Variants in TXLNB observed in about 807,000 individuals in gnomAD.
TXLNB encodes taxilin beta, also known as beta-taxilin.
In TXLNB, 37 loss-of-function variants were observed where a neutral mutation model predicts 57.4. That is an observed-to-expected ratio of 0.64 (90% CI 0.50 to 0.85). The LOEUF is 0.85. TXLNB is among the 40% of genes least tolerant of loss of function. The probability of loss-of-function intolerance (pLI) is 0.00; values close to 1 mark genes in which losing one functional copy is unlikely to be tolerated. For synonymous variants in TXLNB, 302 were observed against 309.6 expected, an observed-to-expected ratio of 0.98 and a Z score of 0.26; for missense variants, 848 against 825.6, an observed-to-expected ratio of 1.03 and a Z score of -0.33.
rs1039613417 is a variant in TXLNB, at chr6:139,240,712, CTTTTTTCCTGATT to C, written c.*1801_*1813del. ...ATACAGATTCTCAAATAGCGACAAG[CTTTTTTCCTGATT>C]TTTTTTCCTGCCTAGCAACTTTGTT... On this transcript the variant is annotated 3_prime_UTR_variant, in exon 10 of 10. Transcript: ENST00000358430. 1 of 152,604 alleles carries C rather than the reference CTTTTTTCCTGATT, an allele frequency of 6.6e-6. No homozygotes were observed. The highest frequency in any genetic ancestry group is 1.5e-5 in the Non-Finnish European group (1 of 68,046). 9.5% of individuals were successfully genotyped at this position (152,604 alleles called of 1,614,324 possible).
the TXLNB span, chr6:139,174,583 T>C: frequency 6.3e-7 from 1 of 1,596,588 alleles, no homozygotes; most frequent in South Asian, 1.1e-5. Flanking sequence ...GATATTAGGC[T>C]TCTGTCCCCA....
At chr6:139,313,598 A>C in the TXLNB span, among the ~76,000 whole-genome samples, 3 of 152,176 alleles carry the variant, frequency 2.0e-5, no homozygotes, top group African/African-American at 7.2e-5. Flanking sequence ...TGTGAGAAAG[A>C]GCTCTGTGTG....
chr6:139,202,046 A>C, the TXLNB span, among the ~76,000 whole-genome samples: 1 of 152,156 alleles, frequency 6.6e-6, no homozygotes, highest in Admixed American at 6.5e-5. Flanking sequence ...ATTTCTTTTG[A>C]TTGAAATGAT....
In TXLNB at chr6:139,241,928, A is replaced by G. The variant is rs1775943319; in HGVS notation, c.*598T>C. ...TAGCATCTAAATATTCTGCATTGAG[A>G]AAAATGCATTAAGGGGTGAGAGAAA... On this transcript the variant is annotated 3_prime_UTR_variant, in exon 10 of 10. Transcript: ENST00000358430. 1 of 152,214 alleles carries G rather than the reference A, an allele frequency of 6.6e-6. No individual in the cohort carries two copies. Among genetic ancestry groups the G allele is most frequent in the African/African-American group, 2.4e-5 (1 of 41,456 alleles). 9.4% of individuals were successfully genotyped at this position (152,214 alleles called of 1,614,324 possible).
chr6:139,317,953 A>C, the TXLNB span, among the ~76,000 whole-genome samples: 1 of 152,102 alleles, frequency 6.6e-6, no homozygotes, highest in Non-Finnish European at 1.5e-5. Flanking sequence ...CAGATGATCT[A>C]AACAGCATAT....
chr6:139,308,625 T>C, the TXLNB span, among the ~76,000 whole-genome samples: 3 of 152,214 alleles, frequency 2.0e-5, no homozygotes, highest in African/African-American at 7.2e-5. Flanking sequence ...CCAATTTTGT[T>C]CATACTTACA....
intron 1 of TXLNB, 36 bp from the exon 2 acceptor site, chr6:139,288,949 C>T (rs370556059): frequency 6.8e-7 from 1 of 1,463,188 alleles, no homozygotes; most frequent in Non-Finnish European, 9.4e-7. Context: ...ATGTAGCTAA[C>T]CTACTTGCTA....
chr6:139,318,031 A>T, the TXLNB span, among the ~76,000 whole-genome samples: 1 of 151,980 alleles, frequency 6.6e-6, no homozygotes, highest in Non-Finnish European at 1.5e-5. Flanking sequence ...ACACTTTGGG[A>T]GGCCGAGGCA....
In TXLNB at chr6:139,276,937, C is replaced by A; in HGVS notation, c.425-16G>T. On this transcript the variant is annotated splice_polypyrimidine_tract_variant and intron_variant, in intron 2 of 9. Coordinates refer to ENST00000358430, the MANE Select transcript of TXLNB (RefSeq NM_153235.4). ...GCTTCTTTGCCTTAAAAAAAAAAGA[C>A]ATGAAAAAAATAAGTGTTGAATTTA... 3.2e-6 allele frequency: 5 copies of A among 1,557,098 alleles called. No homozygotes were observed. The highest frequency in any genetic ancestry group is 2.8e-5 in the African/African-American group (2 of 72,148).
chr6:139,291,866 C>G (rs115305358), intron 1 of TXLNB, 55 bp downstream of exon 1: 1 of 152,278 alleles, frequency 6.6e-6, no homozygotes, highest in African/African-American at 2.4e-5. Flanking sequence ...TCGAACACCA[C>G]AAACCGCACC....
At chr6:139,221,437 A>T in the TXLNB span, among the ~76,000 whole-genome samples, 29 of 152,202 alleles carry the variant, frequency 1.9e-4, no homozygotes, top group Admixed American at 1.9e-3. Flanking sequence ...CTTCAGGAAG[A>T]TAACACTTTC....
At chr6:139,179,596 C>G in the TXLNB span, 6 of 152,120 alleles carry the variant, frequency 3.9e-5, no homozygotes, top group African/African-American at 1.4e-4. Flanking sequence ...TATCTTTTGC[C>G]TTTAAGACGA....
At chr6:139,304,803 A>G in the TXLNB span, among the ~76,000 whole-genome samples, 1 of 152,206 alleles carries the variant, frequency 6.6e-6, no homozygotes, top group African/African-American at 2.4e-5. Context: ...TGGTCTCCGT[A>G]TATCTGTTTG....
the TXLNB span, among the ~76,000 whole-genome samples, chr6:139,196,201 A>G: frequency 1.3e-5 from 2 of 152,162 alleles, no homozygotes; most frequent in East Asian, 3.9e-4. Flanking sequence ...CCATGGATAC[A>G]TTAAAACATA....
the TXLNB span, among the ~76,000 whole-genome samples, chr6:139,309,664 C>T: frequency 1.3e-5 from 2 of 152,122 alleles, no homozygotes; most frequent in African/African-American, 2.4e-5. Context: ...GTGGCTCATA[C>T]CTGTAATCCC....
chr6:139,205,208 T>A, the TXLNB span, among the ~76,000 whole-genome samples: 1 of 152,170 alleles, frequency 6.6e-6, no homozygotes, highest in African/African-American at 2.4e-5. Context: ...ACAGCAACTC[T>A]TGGCAGCCCT....
At chr6:139,239,050 A>G (rs1290499116), downstream of TXLNB, 1 of 152,242 alleles carries the variant, frequency 6.6e-6, no homozygotes, top group African/African-American at 2.4e-5. The surrounding 1 kb of genome is among the most constrained non-coding windows in gnomAD (Gnocchi z 4.7). Flanking sequence ...ATACCAGGCC[A>G]AAAGGAGCAA....
At chr6:139,229,074 A>G in the TXLNB span, among the ~76,000 whole-genome samples, 99,355 of 152,018 alleles carry the variant, frequency 0.65, 33,011 homozygotes, top group East Asian at 0.81. Context: ...CATGGGCAGG[A>G]AAAAGCGATA....
At chr6:139,219,819 T>C in the TXLNB span, among the ~76,000 whole-genome samples, 1 of 152,208 alleles carries the variant, frequency 6.6e-6, no homozygotes. Context: ...GGCAGAATTA[T>C]ATTTGTTATA....
Sources: allele counts gnomAD v4.1 joint callset (sites outside exome capture counted in the v4.1 genomes callset), GRCh38; gene constraint gnomAD v4.1.1; non-coding constraint Gnocchi (gnomAD v3.1); transcripts MANE v1.5; gene names NCBI Gene and HGNC (gene_info 2026-07-23, HGNC 2026-07-21).